FBXO38: variants seen among roughly 807,000 people sequenced by gnomAD.
FBXO38 encodes the protein F-box protein 38, also known as F-box only protein 38.
FBXO38 carries 53 observed loss-of-function variants against 131.9 expected under a neutral mutation model. The observed-to-expected ratio is 0.40, with a 90% CI of 0.32 to 0.51. FBXO38 has a LOEUF of 0.51. FBXO38 is among the 20% of genes least tolerant of loss of function. The pLI, the probability that FBXO38 is intolerant of heterozygous loss-of-function variation, is 0.53. For synonymous variants in FBXO38, 452 were observed against 505.6 expected (o/e 0.89, Z 1.42); for missense variants, 1,076 against 1,475.6 (o/e 0.73, Z 4.44).
chr5:148,409,905 T>A (rs1217196434), intron 8 of FBXO38, among the ~76,000 whole-genome samples: 2 of 152,186 alleles, frequency 1.3e-5, no homozygotes, highest in Non-Finnish European at 2.9e-5. Flanking sequence ...GCAACATTAA[T>A]AGCTAGCCTA....
Position 148,417,149 on chromosome 5 carries a change from G to T in FBXO38, c.1563G>T (p.Glu521Asp). ...ACCATCATCCAGATGACTCAGACGA[G>T]GAGAATGACTTTCGGCAAGATCTGC... ...NNHHHPDDSD[E>D]ENDFRQDLQP... Residue 521 changes from glutamate (E) to aspartate (D), a missense_variant, in exon 12 of 22, where the codon GAG (glutamate) becomes GAT (aspartate). Glu to Asp is a conservative substitution (Grantham distance 45). Transcript: ENST00000340253. The T allele has an allele frequency of 6.2e-7, 1 of 1,613,920 alleles. No homozygotes were observed. Among genetic ancestry groups the T allele is most frequent in the South Asian group, 1.1e-5 (1 of 91,084 alleles).
At chr5:148,416,970 G>A (rs58313354) in intron 11 of FBXO38, 24 bp from the exon 12 acceptor site, 39 of 1,512,446 alleles carry the variant, frequency 2.6e-5, no homozygotes, top group Non-Finnish European at 3.0e-5. Context: ...ATTAATAAAC[G>A]TATGTGTTTT....
chr5:148,436,199 T>G (rs945016870), intron 17 of FBXO38, among the ~76,000 whole-genome samples: 1 of 152,172 alleles, frequency 6.6e-6, no homozygotes, highest in Non-Finnish European at 1.5e-5. Context: ...CAGTGTAATG[T>G]CTGCGAAGCA....
In FBXO38 at chr5:148,433,747, T is replaced by C; in HGVS notation, c.2857+10T>C. 6.7e-7 allele frequency: 1 copy of C among 1,489,064 alleles called. No individual in the cohort carries two copies. The highest frequency in any genetic ancestry group is 1.8e-4 in the Middle Eastern group (1 of 5,500). 92.2% of individuals were successfully genotyped at this position (1,489,064 alleles called of 1,614,324 possible). On this transcript the variant is annotated intron_variant, in intron 17 of 21. Coordinates refer to ENST00000340253, the MANE Select transcript of FBXO38 (RefSeq NM_205836.3). Reference sequence around the variant, plus strand: ...ATGATGTTCATCCATGGTATGTATTTGGGCCCATATTATACAAGAGTATCA... The same window carrying C: ...ATGATGTTCATCCATGGTATGTATTCGGGCCCATATTATACAAGAGTATCA...
chr5:148,430,120 G>T lies in FBXO38; in HGVS notation c.2653+2173G>T, dbSNP rs116120201. ...TTGGAAAAAACAAGAAGTTATTTGG[G>T]TAGCTTACAAATTATAATTATAATT... On this transcript the variant is annotated intron_variant, in intron 15 of 21. Transcript: ENST00000340253. 4.0e-3 allele frequency: 601 copies of T among 148,926 alleles called. 2 individuals carry two copies. Among genetic ancestry groups the T allele is most frequent in the African/African-American group, 0.014 (556 of 40,772 alleles). 9.2% of individuals were successfully genotyped at this position (148,926 alleles called of 1,614,324 possible).
chr5:148,430,465 G>A (rs1753979806), intron 15 of FBXO38: 1 of 151,996 alleles, frequency 6.6e-6, no homozygotes, highest in Non-Finnish European at 1.5e-5. Context: ...CGAGTAGCTG[G>A]GACTACAGGC....
At chr5:148,426,475 T>C (rs569485169) in intron 14 of FBXO38, among the ~76,000 whole-genome samples, 1 of 152,332 alleles carries the variant, frequency 6.6e-6, no homozygotes, top group South Asian at 2.1e-4. Flanking sequence ...TTTATTTCTT[T>C]TAAGAAATTC....
chr5:148,435,678 G>A (rs1384531160), intron 17 of FBXO38, among the ~76,000 whole-genome samples: 2 of 152,170 alleles, frequency 1.3e-5, no homozygotes, highest in African/African-American at 4.8e-5. Context: ...GCTGAGGCAG[G>A]AGAATGGCAT....
At chr5:148,409,754 T>C (rs1453453963) in intron 8 of FBXO38, among the ~76,000 whole-genome samples, 1 of 152,260 alleles carries the variant, frequency 6.6e-6, no homozygotes, top group Non-Finnish European at 1.5e-5. Flanking sequence ...TATTTTATAA[T>C]ATTTTCTTTA....
At chr5:148,416,881 A>C (rs1055710643) in intron 11 of FBXO38, 113 bp from the exon 12 acceptor site, 2 of 665,828 alleles carry the variant, frequency 3.0e-6, no homozygotes, top group Non-Finnish European at 5.3e-6. Context: ...TTTCATAAAT[A>C]AGTACTATAT....
intron 10 of FBXO38, among the ~76,000 whole-genome samples, chr5:148,415,069 C>G (rs1000481405): frequency 6.6e-6 from 1 of 152,076 alleles, no homozygotes; most frequent in African/African-American, 2.4e-5. Context: ...CTGCTGAGAT[C>G]ACTCGTTAAT....
chr5:148,424,876 C>T (rs931877592), intron 13 of FBXO38, among the ~76,000 whole-genome samples: 1 of 152,090 alleles, frequency 6.6e-6, no homozygotes, highest in Non-Finnish European at 1.5e-5. Flanking sequence ...TTGGAGCATA[C>T]GTTTATTGAT....
intron 1 of FBXO38, among the ~76,000 whole-genome samples, chr5:148,391,754 A>G (rs1416454602): frequency 6.6e-6 from 1 of 152,204 alleles, no homozygotes; most frequent in Non-Finnish European, 1.5e-5. Context: ...ACTTCTTAAA[A>G]ACAATCTGAA....
chr5:148,406,148 C>T, intron 6 of FBXO38, 109 bp from the exon 7 acceptor site: 1 of 1,059,626 alleles, frequency 9.4e-7, no homozygotes, highest in Non-Finnish European at 1.3e-6. Flanking sequence ...GCCAATTTGG[C>T]TGTCATTTTA....
intron 20 of FBXO38, 61 bp downstream of exon 20, chr5:148,440,588 C>G: frequency 2.0e-6 from 2 of 1,013,410 alleles, no homozygotes; most frequent in Admixed American, 4.8e-5. Flanking sequence ...CTCTGTAATC[C>G]CAGCGACTCA....
In FBXO38 at chr5:148,400,410, A is replaced by G. The variant is rs529665907; in HGVS notation, c.262+1278A>G. 9.9e-5 allele frequency among the ~76,000 whole-genome samples: 15 copies of G among 152,240 alleles called. No individual in the cohort carries two copies. In the South Asian group the frequency reaches 3.1e-3, roughly 32 times the overall value. Reference sequence around the variant, plus strand: ...GACAGGATGGCAGAACTCCCATGTGATATAGTCTTACCATTAACATCACTA... The same window carrying G: ...GACAGGATGGCAGAACTCCCATGTGGTATAGTCTTACCATTAACATCACTA... On this transcript the variant is annotated intron_variant, in intron 3 of 21. Coordinates refer to ENST00000340253, the MANE Select transcript of FBXO38 (RefSeq NM_205836.3).
intron 12 of FBXO38, among the ~76,000 whole-genome samples, chr5:148,422,046 TC>T (rs1561535121): frequency 7.1e-6 from 1 of 140,126 alleles, no homozygotes; most frequent in African/African-American, 2.6e-5. Flanking sequence ...CAGACCTTTC[TC>T]TTTTTTTTTT....
intron 17 of FBXO38, among the ~76,000 whole-genome samples, chr5:148,435,818 C>T (rs1754318984): frequency 6.6e-6 from 1 of 152,116 alleles, no homozygotes; most frequent in South Asian, 2.1e-4. Flanking sequence ...CTTCCTTTTA[C>T]TTGAACACTT....
At chr5:148,384,197 C>T (rs959414830) in intron 1 of FBXO38, among the ~76,000 whole-genome samples, 158 bp downstream of exon 1, 1 of 152,142 alleles carries the variant, frequency 6.6e-6, no homozygotes, top group Non-Finnish European at 1.5e-5. Context: ...CTTGAGAGAT[C>T]AGGGGTTGAA....
Sources: gnomAD v4.1 joint callset for allele counts (sites outside exome capture counted in the v4.1 genomes callset) on GRCh38, gnomAD v4.1.1 for gene constraint, MANE v1.5 for transcripts, NCBI Gene and HGNC (gene_info 2026-07-23, HGNC 2026-07-21) for gene names.